The following GATAD2A variants were observed in gnomAD, a reference collection of about 807,000 sequenced individuals.
GATAD2A encodes the protein transcriptional repressor p66-alpha.
GATAD2A carries 12 observed loss-of-function variants against 68.5 expected under a neutral mutation model. The ratio of observed to expected loss-of-function variants is 0.18; its 90% CI spans 0.11 to 0.28. The LOEUF (loss-of-function observed/expected upper bound fraction) is 0.28. Ranked by LOEUF, GATAD2A falls within the 10% of genes least tolerant of loss-of-function variation. The pLI is 1.00. For synonymous variants in GATAD2A, 410 were observed against 375.3 expected (o/e 1.09, Z -1.07); for missense variants, 755 against 868.5 (o/e 0.87, Z 1.64).
At chr19:19,503,648 G>C (rs940004932) in intron 11 of GATAD2A, among the ~76,000 whole-genome samples, 1 of 148,288 alleles carries the variant, frequency 6.7e-6, no homozygotes, top group South Asian at 2.3e-4. Flanking sequence ...TGGAAGCTGT[G>C]TGTGTGTGTG....
At chr19:19,470,154 T>A (rs1172497489) in intron 2 of GATAD2A, among the ~76,000 whole-genome samples, 8 of 133,288 alleles carry the variant, frequency 6.0e-5, no homozygotes, top group East Asian at 2.0e-4. Flanking sequence ...TTTTTTTTTT[T>A]GTTTTTTTTT....
chr19:19,437,305 AT>A (rs1300105817), intron 1 of GATAD2A, among the ~76,000 whole-genome samples: 2 of 151,954 alleles, frequency 1.3e-5, no homozygotes, highest in Non-Finnish European at 1.5e-5. Flanking sequence ...TAATTTTTGT[AT>A]TTTTTGTAGA....
chr19:19,494,098 A>G (rs543339408), intron 4 of GATAD2A, among the ~76,000 whole-genome samples, 196 bp from the exon 5 acceptor site: 7 of 152,130 alleles, frequency 4.6e-5, no homozygotes, highest in Non-Finnish European at 1.0e-4. Context: ...AATCTCTTCT[A>G]GGCCCATGTA....
intron 1 of GATAD2A, among the ~76,000 whole-genome samples, chr19:19,448,061 T>A (rs959399202): frequency 6.6e-6 from 1 of 152,190 alleles, no homozygotes; most frequent in South Asian, 2.1e-4. Context: ...GCAGATGGCA[T>A]GGAAATGGCA....
At position 19,494,295 on chromosome 19, in the gene GATAD2A, C is replaced by T; in HGVS notation, c.536C>T (p.Pro179Leu). ...TCCTGGTGTCCTGCTCTCTTGCAGC[C>T]CACAGGTTCTGTTGGGAGCACCGTG... is the stretch of plus-strand genomic sequence containing the variant. ...QIQKEATAQKPTGSVGSTVTT... is the reference protein window; with the variant it reads ...QIQKEATAQKLTGSVGSTVTT... The change falls in exon 5 of 12, where the codon CCC (proline) becomes CTC (leucine). Residue 179 changes from proline to leucine, a missense_variant and splice_region_variant. By Grantham distance (98) the Pro-to-Leu change is moderately conservative (BLOSUM62 -3). Transcript: ENST00000683918. 1.9e-6 allele frequency: 3 copies of T among 1,602,138 alleles called. No homozygotes were observed. The highest frequency in any genetic ancestry group is 2.6e-6 in the Non-Finnish European group (3 of 1,169,578).
chr19:19,385,983 G>A (rs1481992190), exon 1 of GATAD2A: 1 of 149,900 alleles, frequency 6.7e-6, no homozygotes, highest in Non-Finnish European at 1.5e-5. Flanking sequence ...CAGTCGGTCG[G>A]TCGGTCGTCT....
rs147904411 is a variant in GATAD2A, at chr19:19,414,019, C to G, written c.-7+8000C>G. 2.0e-5 allele frequency among the ~76,000 whole-genome samples: 3 copies of G among 152,098 alleles called. No individual in the cohort carries two copies. The East Asian group carries it at 5.8e-4, about 29-fold the overall frequency. ...GTGTTGAGTCTTTTTGTTGTTGTCT[C>G]TTTTCTGACTGTACAAGCAACATTT... On this transcript the variant is annotated intron_variant, in intron 1 of 11. Transcript: ENST00000683918.
chr19:19,501,483 C>G (rs537931175), intron 9 of GATAD2A, 67 bp downstream of exon 9: 2 of 1,237,748 alleles, frequency 1.6e-6, no homozygotes. Flanking sequence ...ATCCACCCCA[C>G]GCCTGCGCTG....
Position 19,505,548 on chromosome 19 carries a change from C to T in GATAD2A, c.*74C>T. 3.0e-6 allele frequency: 4 copies of T among 1,336,438 alleles called. No homozygotes were observed. The highest frequency in any genetic ancestry group is 1.5e-5 in the African/African-American group (1 of 67,144). 82.8% of individuals were successfully genotyped at this position (1,336,438 alleles called of 1,614,324 possible). ...CCCTGGTCTAGAAGGACCCACTGCA[C>T]CACCCTCCGCTGGCTCGGGAAGACA... On this transcript the variant is annotated 3_prime_UTR_variant, in exon 12 of 12. Coordinates refer to ENST00000683918, the MANE Select transcript of GATAD2A (RefSeq NM_001384528.1).
intron 2 of GATAD2A, among the ~76,000 whole-genome samples, chr19:19,483,079 G>A (rs1568325201): frequency 6.6e-6 from 1 of 152,150 alleles, no homozygotes; most frequent in African/African-American, 2.4e-5. Flanking sequence ...TGGCAGCGCC[G>A]GCTGGCCGCC....
intron 1 of GATAD2A, among the ~76,000 whole-genome samples, chr19:19,427,301 A>G (rs1185749027): frequency 6.6e-6 from 1 of 152,230 alleles, no homozygotes; most frequent in African/African-American, 2.4e-5. Context: ...ACGTTTTACC[A>G]CAATAAAAAA....
intron 2 of GATAD2A, among the ~76,000 whole-genome samples, chr19:19,487,192 C>T (rs1369763423): frequency 1.3e-5 from 2 of 152,220 alleles, no homozygotes; most frequent in African/African-American, 4.8e-5. Context: ...GCTGTGGTAT[C>T]ACCCCAGGGC....
chr19:19,442,596 C>G (rs142343166), intron 1 of GATAD2A, among the ~76,000 whole-genome samples: 80 of 152,184 alleles, frequency 5.3e-4, no homozygotes, highest in African/African-American at 1.9e-3. Flanking sequence ...CCACTGCACT[C>G]CAGTCTGGGC....
At chr19:19,457,068 G>A (rs1600177319) in intron 1 of GATAD2A, 2 of 984,306 alleles carry the variant, frequency 2.0e-6, no homozygotes, top group Non-Finnish European at 2.4e-6. Flanking sequence ...TGAAGTGTCC[G>A]ATCCAGTCCT....
At chr19:19,484,178 T>C (rs377155747) in intron 2 of GATAD2A, among the ~76,000 whole-genome samples, 1 of 152,196 alleles carries the variant, frequency 6.6e-6, no homozygotes, top group South Asian at 2.1e-4. Flanking sequence ...ACCCCACCTG[T>C]ACAAAAACTT....
At chr19:19,470,148 T>TTTTA (rs1568314990) in intron 2 of GATAD2A, among the ~76,000 whole-genome samples, 2 of 136,392 alleles carry the variant, frequency 1.5e-5, no homozygotes, top group Non-Finnish European at 3.2e-5. Flanking sequence ...ACTTTATTTT[T>TTTTA]TTTTTTGTTT....
intron 1 of GATAD2A, among the ~76,000 whole-genome samples, chr19:19,437,963 T>C (rs985633493): frequency 7.9e-5 from 12 of 152,250 alleles, no homozygotes; most frequent in African/African-American, 2.4e-4. Context: ...CTGGATCATA[T>C]GGTAACTTTC....
intron 2 of GATAD2A, among the ~76,000 whole-genome samples, chr19:19,469,232 C>T (rs935995143): frequency 6.6e-6 from 1 of 151,464 alleles, no homozygotes; most frequent in South Asian, 2.1e-4. Flanking sequence ...GAGACCAAGA[C>T]CATCCTGGCT....
At chr19:19,398,834 G>T (rs2049472729) in intron 1 of GATAD2A, among the ~76,000 whole-genome samples, 1 of 152,034 alleles carries the variant, frequency 6.6e-6, no homozygotes, top group South Asian at 2.1e-4. Context: ...GCCAAGGCGG[G>T]TGGATAACCA....
Sources: allele counts gnomAD v4.1 joint callset (sites outside exome capture counted in the v4.1 genomes callset), GRCh38; gene constraint gnomAD v4.1.1; transcripts MANE v1.5; gene names NCBI Gene and HGNC (gene_info 2026-07-23, HGNC 2026-07-21).